Variants in DLG2 observed in about 807,000 individuals in gnomAD.
The protein encoded by DLG2 is discs large MAGUK scaffold protein 2.
A neutral mutation model predicts 132.5 loss-of-function variants in DLG2; 45 were observed. That is an observed-to-expected ratio of 0.34 (90% CI 0.27 to 0.44). The LOEUF is 0.44. Among genes scored for constraint, DLG2 ranks in the 20% least tolerant of loss-of-function variants. The pLI, the probability that DLG2 is intolerant of heterozygous loss-of-function variation, is 1.00. For missense variants in DLG2, 1,045 were observed against 1,196.9 expected, an observed-to-expected ratio of 0.87 and a Z score of 1.87; for synonymous variants, 424 against 419.6, an observed-to-expected ratio of 1.01 and a Z score of -0.13.
intron 6 of DLG2, among the ~76,000 whole-genome samples, chr11:84,814,336 T>C (rs1340091463): frequency 1.3e-5 from 2 of 152,084 alleles, no homozygotes; most frequent in African/African-American, 4.8e-5. Flanking sequence ...AAAAGTAAAC[T>C]GGTTATGAAC....
chr11:84,880,271 G>A (rs1377062248), intron 6 of DLG2, among the ~76,000 whole-genome samples: 2 of 152,060 alleles, frequency 1.3e-5, no homozygotes, highest in Non-Finnish European at 1.5e-5. Context: ...CTACAAAACA[G>A]AGCCAGCCTT....
chr11:85,120,485 T>C (rs1351921640), intron 5 of DLG2, among the ~76,000 whole-genome samples: 1 of 152,074 alleles, frequency 6.6e-6, no homozygotes, highest in Non-Finnish European at 1.5e-5. Flanking sequence ...TTAAAATGTA[T>C]ACTTTCATTT....
intron 3 of DLG2, among the ~76,000 whole-genome samples, chr11:85,595,446 G>T (rs1330314911): frequency 6.6e-6 from 1 of 152,022 alleles, no homozygotes; most frequent in Non-Finnish European, 1.5e-5. Flanking sequence ...TATTCATTTG[G>T]ATAAATGTTT....
Position 84,777,062 on chromosome 11 carries a change from G to A in DLG2, c.358-242331C>T, listed in dbSNP as rs565785540. 2.6e-5 allele frequency among the ~76,000 whole-genome samples: 4 copies of A among 151,470 alleles called. No homozygotes were observed. In the South Asian group the frequency reaches 8.4e-4, roughly 32 times the overall value. On this transcript the variant is annotated intron_variant, in intron 6 of 27. Transcript: ENST00000376104. Reference sequence around the variant, plus strand: ...AGCTCTCTCACTTCCTCACCTTTGCGAGTCTTGGGTGTCTGTCATTTCACT... The same window carrying A: ...AGCTCTCTCACTTCCTCACCTTTGCAAGTCTTGGGTGTCTGTCATTTCACT...
chr11:85,429,479 G>A lies in DLG2; in HGVS notation c.41-144114C>T, dbSNP rs553502467. ...TACTCATCTAACAAAGGGCTGATAT[G>A]CAGAATCTACAATGAACTCAAACAA... On this transcript the variant is annotated intron_variant, in intron 3 of 27. Coordinates refer to ENST00000376104, the MANE Select transcript of DLG2 (RefSeq NM_001142699.3). 1.7e-3 allele frequency among the ~76,000 whole-genome samples: 261 copies of A among 152,170 alleles called. 1 individual carries two copies. The highest frequency in any genetic ancestry group is 6.1e-3 in the African/African-American group (252 of 41,534).
rs532163378 is a variant in DLG2, at chr11:85,044,368, C to T, written c.357+67293G>A. Among the ~76,000 whole-genome samples the T allele has an allele frequency of 5.3e-5, 8 of 152,064 alleles. No individual in the cohort carries two copies. In the East Asian group the frequency reaches 5.8e-4, roughly 11 times the overall value. ...AAGAGGATTCAAGTTACCCTTATTA[C>T]GTACACTCTTTTGAGTGTGTTGTGT... is the stretch of plus-strand genomic sequence containing the variant. On this transcript the variant is annotated intron_variant, in intron 6 of 27. Coordinates refer to ENST00000376104, the MANE Select transcript of DLG2 (RefSeq NM_001142699.3).
At chr11:84,893,817 T>C (rs1346844815) in intron 6 of DLG2, among the ~76,000 whole-genome samples, 1 of 152,284 alleles carries the variant, frequency 6.6e-6, no homozygotes, top group Non-Finnish European at 1.5e-5. Flanking sequence ...TACAAGGTGA[T>C]TGTATAGTCA....
chr11:83,959,096 T>A (rs182937674), intron 14 of DLG2, among the ~76,000 whole-genome samples: 124 of 152,276 alleles, frequency 8.1e-4, no homozygotes, highest in Admixed American at 1.7e-3. Flanking sequence ...TTATAGGGAC[T>A]CAGTGAGCAT....
chr11:83,587,727 T>A (rs2097110688), intron 19 of DLG2, among the ~76,000 whole-genome samples: 1 of 152,036 alleles, frequency 6.6e-6, no homozygotes, highest in Non-Finnish European at 1.5e-5. Flanking sequence ...CCATCTGAGG[T>A]ACCGGGTTCA....
At position 83,872,649 on chromosome 11, in the gene DLG2, T is replaced by C. The variant is rs183876523; in HGVS notation, c.1565+1771A>G. On this transcript the variant is annotated intron_variant, in intron 16 of 27. Coordinates refer to ENST00000376104, the MANE Select transcript of DLG2 (RefSeq NM_001142699.3). Reference sequence around the variant, plus strand: ...TAACTCAAGTGGAAAACAGTGGAAATTGAAAAATATTCTTAGGGCAAATTG... The same window carrying C: ...TAACTCAAGTGGAAAACAGTGGAAACTGAAAAATATTCTTAGGGCAAATTG... Among the ~76,000 whole-genome samples the C allele has an allele frequency of 4.2e-3, 641 of 152,258 alleles. 5 individuals are homozygous for C. Among genetic ancestry groups the C allele is most frequent in the African/African-American group, 0.015 (612 of 41,550 alleles).
chr11:85,386,132 T>A (rs1266444047), intron 3 of DLG2, among the ~76,000 whole-genome samples: 6 of 152,248 alleles, frequency 3.9e-5, no homozygotes, highest in African/African-American at 1.2e-4. Context: ...AATATGAAAT[T>A]GTGGAAGAAT....
intron 19 of DLG2, among the ~76,000 whole-genome samples, chr11:83,566,712 GGTGTGT>G (rs59829516): frequency 0.047 from 6,720 of 143,970 alleles, 385 homozygotes; most frequent in African/African-American, 0.14. Flanking sequence ...CAGAGGGCAT[GGTGTGT>G]GTGTGTGTGT....
intron 18 of DLG2, among the ~76,000 whole-genome samples, chr11:83,635,195 C>A (rs755895186): frequency 2.6e-5 from 4 of 152,122 alleles, no homozygotes; most frequent in Non-Finnish European, 5.9e-5. Flanking sequence ...GACTTATGAT[C>A]TCACCACTGC....
intron 6 of DLG2, among the ~76,000 whole-genome samples, chr11:85,087,844 CAAA>C (rs71465019): frequency 3.0e-3 from 66 of 22,026 alleles, no homozygotes; most frequent in Non-Finnish European, 5.4e-3. Context: ...GACTCCGTCT[CAAA>C]AAAAAAAAAA....
chr11:84,837,440 A>G (rs1273360300), intron 6 of DLG2, among the ~76,000 whole-genome samples: 2 of 151,818 alleles, frequency 1.3e-5, no homozygotes, highest in Non-Finnish European at 2.9e-5. Context: ...CCTAAAATCA[A>G]AATAAGAATA....
At chr11:84,948,277 T>C (rs2050480705) in intron 6 of DLG2, among the ~76,000 whole-genome samples, 1 of 152,256 alleles carries the variant, frequency 6.6e-6, no homozygotes, top group East Asian at 1.9e-4. Flanking sequence ...CATTGTAAGT[T>C]ACTCTTGAGT....
At chr11:84,319,735 C>T (rs1362573480) in intron 7 of DLG2, among the ~76,000 whole-genome samples, 2 of 152,204 alleles carry the variant, frequency 1.3e-5, no homozygotes, top group Non-Finnish European at 2.9e-5. Flanking sequence ...ATTTTAATAA[C>T]TTAGCATGTC....
chr11:83,471,448 C>T (rs767067465), intron 24 of DLG2, among the ~76,000 whole-genome samples, 178 bp downstream of exon 24: 6 of 152,010 alleles, frequency 3.9e-5, no homozygotes, highest in Admixed American at 6.6e-5. Context: ...GAATGACACA[C>T]GGCAGCATAA....
At chr11:83,644,074 G>C (rs962583481) in intron 18 of DLG2, among the ~76,000 whole-genome samples, 1 of 152,094 alleles carries the variant, frequency 6.6e-6, no homozygotes, top group African/African-American at 2.4e-5. Context: ...CCAATATACT[G>C]CTCAAATGAA....
Sources: gnomAD v4.1 joint callset for allele counts (sites outside exome capture counted in the v4.1 genomes callset) on GRCh38, gnomAD v4.1.1 for gene constraint, MANE v1.5 for transcripts, NCBI Gene and HGNC (gene_info 2026-07-23, HGNC 2026-07-21) for gene names.